The following WIF1 variants were observed in gnomAD, a reference collection of about 807,000 sequenced individuals.
The protein encoded by WIF1 is Wnt inhibitory factor 1.
A neutral mutation model predicts 53.5 loss-of-function variants in WIF1; 35 were observed. The observed-to-expected ratio is 0.65, with a 90% CI of 0.50 to 0.87. The LOEUF is 0.87. WIF1 is among the 40% of genes least tolerant of loss of function. The pLI, the probability that WIF1 is intolerant of heterozygous loss-of-function variation, is 0.00. For synonymous variants in WIF1, 171 were observed against 170.4 expected, an observed-to-expected ratio of 1.00 and a Z score of -0.03; for missense variants, 467 against 476.8, an observed-to-expected ratio of 0.98 and a Z score of 0.19.
At chr12:65,083,142 G>C (rs1041682977) in intron 2 of WIF1, among the ~76,000 whole-genome samples, 1 of 152,174 alleles carries the variant, frequency 6.6e-6, no homozygotes, top group African/African-American at 2.4e-5. Flanking sequence ...CAGCATACAA[G>C]TGAATTCAGA....
At chr12:65,068,338 A>G (rs1473175543) in intron 4 of WIF1, among the ~76,000 whole-genome samples, 3 of 152,010 alleles carry the variant, frequency 2.0e-5, no homozygotes, top group Admixed American at 2.0e-4. Flanking sequence ...GTGGATATTC[A>G]TTAGAGGTTA....
intron 2 of WIF1, among the ~76,000 whole-genome samples, chr12:65,079,001 C>T (rs183155096): frequency 6.6e-6 from 1 of 152,010 alleles, no homozygotes; most frequent in Admixed American, 6.6e-5. Context: ...CCCGTCTCTA[C>T]TAAAAATACA....
intron 2 of WIF1, among the ~76,000 whole-genome samples, chr12:65,088,823 A>G (rs965404086): frequency 4.6e-5 from 7 of 152,032 alleles, no homozygotes; most frequent in Admixed American, 2.6e-4. Context: ...ATGTGGGTCT[A>G]TGCGTCCTTA....
intron 7 of WIF1, among the ~76,000 whole-genome samples, chr12:65,062,191 C>T (rs1335962713): frequency 6.6e-6 from 1 of 152,070 alleles, no homozygotes. Flanking sequence ...GAGGAGGGGA[C>T]AAAATGACTA....
chr12:65,064,492 G>T (rs1882659063), intron 6 of WIF1, among the ~76,000 whole-genome samples: 1 of 152,150 alleles, frequency 6.6e-6, no homozygotes, highest in Admixed American at 6.5e-5. Flanking sequence ...AATACATAGT[G>T]CTGATGTCTA....
At chr12:65,059,079 A>T (rs1201262755) in intron 7 of WIF1, among the ~76,000 whole-genome samples, 2 of 152,100 alleles carry the variant, frequency 1.3e-5, no homozygotes, top group African/African-American at 2.4e-5. Context: ...AAATAGACTA[A>T]GCCCTGTCTA....
rs1045689241 is a variant in WIF1, at chr12:65,121,162, G to A, written c.30C>T (p.Ala10=). The A allele has an allele frequency of 7.1e-6, 11 of 1,546,656 alleles. No individual in the cohort carries two copies. The highest frequency in any genetic ancestry group is 2.0e-5 in the Admixed American group (1 of 50,560). The change falls in exon 1 of 10, where the codon GCC becomes GCT. Residue 10 remains alanine, a synonymous_variant. Transcript: ENST00000286574. MARRSAFPA[A]ALWLWSILLC... is the part of the protein sequence containing the mutation. ...GGAGGATGCTCCAGAGCCAGAGCGCGGCGGCAGGGAAGGCGCTCCTCCGGG... is the reference window on the plus strand; with the variant it reads ...GGAGGATGCTCCAGAGCCAGAGCGCAGCGGCAGGGAAGGCGCTCCTCCGGG...
intron 2 of WIF1, among the ~76,000 whole-genome samples, chr12:65,088,491 TA>T (rs1363581182): frequency 6.6e-6 from 1 of 152,144 alleles, no homozygotes; most frequent in Non-Finnish European, 1.5e-5. Flanking sequence ...ATTATGCTTT[TA>T]AAAGAGTCTA....
At chr12:65,119,813 T>G (rs1200594879) in intron 2 of WIF1, among the ~76,000 whole-genome samples, 1 of 152,210 alleles carries the variant, frequency 6.6e-6, no homozygotes, top group Non-Finnish European at 1.5e-5. Context: ...AAAGGAATGC[T>G]TCTTCATAAA....
chr12:65,116,932 CAAAAAAAAAAAAA>C (rs35417909), intron 2 of WIF1, among the ~76,000 whole-genome samples: 4 of 64,756 alleles, frequency 6.2e-5, no homozygotes, highest in South Asian at 8.7e-4. Flanking sequence ...GACTCTGTCT[CAAAAAAAAAAAAA>C]AAAAAAAAAA....
intron 2 of WIF1, among the ~76,000 whole-genome samples, chr12:65,092,930 T>G (rs949182225): frequency 3.9e-5 from 6 of 152,038 alleles, no homozygotes; most frequent in African/African-American, 1.4e-4. Context: ...CTCTGATCTC[T>G]CTTGTCCATG....
intron 2 of WIF1, among the ~76,000 whole-genome samples, chr12:65,079,755 T>G (rs978759447): frequency 2.0e-5 from 3 of 152,158 alleles, no homozygotes; most frequent in Admixed American, 6.5e-5. Context: ...GTTCTGCAGT[T>G]ACCTGTAGAG....
intron 2 of WIF1, among the ~76,000 whole-genome samples, chr12:65,080,502 A>T (rs1374879239): frequency 6.6e-6 from 1 of 152,120 alleles, no homozygotes; most frequent in Non-Finnish European, 1.5e-5. Context: ...TTAAAAGTGG[A>T]TTTGTTTTCA....
intron 2 of WIF1, among the ~76,000 whole-genome samples, chr12:65,116,430 T>C (rs1883511508): frequency 6.6e-6 from 1 of 151,944 alleles, no homozygotes; most frequent in African/African-American, 2.4e-5. Context: ...GAGAATCTAA[T>C]GCCTGATCAT....
chr12:65,111,307 A>G (rs74099752), intron 2 of WIF1, among the ~76,000 whole-genome samples: 9,178 of 152,044 alleles, frequency 0.06, 941 homozygotes, highest in African/African-American at 0.21. Context: ...TGTATCTCCA[A>G]CCCCATTTTC....
At chr12:65,092,624 C>T (rs1417169042) in intron 2 of WIF1, among the ~76,000 whole-genome samples, 1 of 151,780 alleles carries the variant, frequency 6.6e-6, no homozygotes, top group Non-Finnish European at 1.5e-5. Flanking sequence ...GCAAGCTATG[C>T]AGATATCTGG....
At chr12:65,093,501 C>T (rs774743956) in intron 2 of WIF1, among the ~76,000 whole-genome samples, 20 of 151,964 alleles carry the variant, frequency 1.3e-4, no homozygotes, top group Non-Finnish European at 2.6e-4. Context: ...TTGTTTTCTC[C>T]AAATTTTGAG....
intron 2 of WIF1, among the ~76,000 whole-genome samples, chr12:65,096,307 A>G (rs527818317): frequency 8.7e-4 from 133 of 152,322 alleles, no homozygotes; most frequent in African/African-American, 3.1e-3. Context: ...AACCAAAACC[A>G]CAATGAGATA....
At chr12:65,088,893 T>C (rs1883082364) in intron 2 of WIF1, among the ~76,000 whole-genome samples, 1 of 152,082 alleles carries the variant, frequency 6.6e-6, no homozygotes, top group Admixed American at 6.6e-5. Flanking sequence ...GGGAGCAGAT[T>C]CTAGCTTTCA....
Sources: allele counts gnomAD v4.1 joint callset (sites outside exome capture counted in the v4.1 genomes callset), GRCh38; gene constraint gnomAD v4.1.1; transcripts MANE v1.5; gene names NCBI Gene and HGNC (gene_info 2026-07-23, HGNC 2026-07-21).